PDE4D: variants seen among roughly 807,000 people sequenced by gnomAD.
PDE4D encodes phosphodiesterase 4D.
PDE4D carries 24 observed loss-of-function variants against 87.4 expected under a neutral mutation model. The ratio of observed to expected loss-of-function variants is 0.27; its 90% CI spans 0.20 to 0.39. The LOEUF is 0.39. Among genes scored for constraint, PDE4D ranks in the 10% least tolerant of loss-of-function variants. PDE4D has a pLI of 1.00. For synonymous variants in PDE4D, 384 were observed against 383.2 expected, an observed-to-expected ratio of 1.00 and a Z score of -0.02; for missense variants, 714 against 1,041.0, an observed-to-expected ratio of 0.69 and a Z score of 4.32.
intron 1 of PDE4D, among the ~76,000 whole-genome samples, chr5:60,269,160 A>C (rs1750557098): frequency 6.6e-6 from 1 of 152,172 alleles, no homozygotes; most frequent in Non-Finnish European, 1.5e-5. Context: ...TTAAAAAATT[A>C]GCTGGGCGTG....
chr5:59,886,733 A>G (rs2152750076), intron 1 of PDE4D, among the ~76,000 whole-genome samples: 1 of 152,184 alleles, frequency 6.6e-6, no homozygotes, highest in East Asian at 1.9e-4. Context: ...AACTCAGACC[A>G]CGGCCAGAAT....
chr5:59,178,724 G>C (rs1784284809), intron 5 of PDE4D, among the ~76,000 whole-genome samples: 1 of 152,200 alleles, frequency 6.6e-6, no homozygotes, highest in South Asian at 2.1e-4. Context: ...CCACCTGTGA[G>C]GCCAGCTCAT....
At chr5:59,402,678 TA>T (rs1291976052) in intron 1 of PDE4D, among the ~76,000 whole-genome samples, 1 of 152,168 alleles carries the variant, frequency 6.6e-6, no homozygotes, top group African/African-American at 2.4e-5. Flanking sequence ...ATTTACAAAA[TA>T]ATTATTAAAC....
At chr5:59,940,930 T>C (rs1470374607) in intron 3 of PDE4D, among the ~76,000 whole-genome samples, 1 of 152,186 alleles carries the variant, frequency 6.6e-6, no homozygotes, top group Non-Finnish European at 1.5e-5. Context: ...TCACCCATAG[T>C]TTCTGCCATC....
At chr5:59,745,172 C>T (rs1759425695) in intron 1 of PDE4D, among the ~76,000 whole-genome samples, 1 of 151,988 alleles carries the variant, frequency 6.6e-6, no homozygotes, top group Admixed American at 6.6e-5. Context: ...GCTAAAAATG[C>T]CTACATATCT....
intron 2 of PDE4D, among the ~76,000 whole-genome samples, chr5:60,087,796 G>T (rs929405759): frequency 6.6e-6 from 1 of 151,982 alleles, no homozygotes; most frequent in African/African-American, 2.4e-5. Flanking sequence ...ATTTCCAACA[G>T]ATATTATGTA....
chr5:59,834,896 G>A (rs1256249098), intron 1 of PDE4D, among the ~76,000 whole-genome samples: 1 of 151,928 alleles, frequency 6.6e-6, no homozygotes, highest in East Asian at 1.9e-4. Flanking sequence ...TTGGGAATTT[G>A]CTTGCACATT....
intron 1 of PDE4D, among the ~76,000 whole-genome samples, chr5:59,562,640 T>C (rs536784086): frequency 6.6e-6 from 1 of 152,364 alleles, no homozygotes; most frequent in African/African-American, 2.4e-5. Context: ...TTATTTCAAA[T>C]ATGTTCACTT....
At chr5:59,975,763 T>C (rs538787870) in intron 3 of PDE4D, among the ~76,000 whole-genome samples, 1 of 152,336 alleles carries the variant, frequency 6.6e-6, no homozygotes, top group Admixed American at 6.5e-5. Flanking sequence ...GGTCTAGCCA[T>C]GTTTTAGCAG....
At chr5:60,051,799 C>T (rs547190135) in intron 2 of PDE4D, among the ~76,000 whole-genome samples, 2 of 150,600 alleles carry the variant, frequency 1.3e-5, no homozygotes, top group South Asian at 2.1e-4. Flanking sequence ...ACTAGCCAGA[C>T]TAATAAAGAA....
intron 2 of PDE4D, among the ~76,000 whole-genome samples, chr5:60,102,857 A>C (rs1776372610): frequency 6.6e-6 from 1 of 152,254 alleles, no homozygotes; most frequent in South Asian, 2.1e-4. Context: ...ATTCATTGTA[A>C]ACAGTCAACT....
At chr5:59,408,267 G>C (rs1447319562) in intron 1 of PDE4D, among the ~76,000 whole-genome samples, 2 of 152,226 alleles carry the variant, frequency 1.3e-5, no homozygotes, top group Admixed American at 1.3e-4. Context: ...AAGAGCCTCA[G>C]GTATGGCTCA....
At chr5:60,214,657 T>C (rs1217968988) in intron 1 of PDE4D, among the ~76,000 whole-genome samples, 4 of 152,158 alleles carry the variant, frequency 2.6e-5, no homozygotes. Flanking sequence ...TATCATGACA[T>C]ATTATGGACA....
In PDE4D at chr5:59,033,675, C is replaced by A. The variant is rs535829531; in HGVS notation, c.921+5184G>T. Among the ~76,000 whole-genome samples the A allele has an allele frequency of 3.9e-5, 6 of 152,168 alleles. No homozygotes were observed. In the South Asian group the frequency reaches 1.2e-3, roughly 32 times the overall value. On this transcript the variant is annotated intron_variant, in intron 6 of 14. Transcript: ENST00000340635. ...ATCATCCTTTCTCTCTAGAAAAATA[C>A]CAGTTTGTTTAATCTACCCATAACA...
At position 59,304,484 on chromosome 5, in the gene PDE4D, G is replaced by A. The variant is rs142770003; in HGVS notation, c.456-88516C>T. ...TCATTGTCTTGTTCCAGTTCTCAGAGGGAATTCTTTCAACTTTTCCCCATT... is the reference window on the plus strand; with the variant it reads ...TCATTGTCTTGTTCCAGTTCTCAGAAGGAATTCTTTCAACTTTTCCCCATT... On this transcript the variant is annotated intron_variant, in intron 1 of 14. Transcript: ENST00000340635. Among the ~76,000 whole-genome samples, 100 of 152,222 alleles carry A rather than the reference G, an allele frequency of 6.6e-4. No individual in the cohort carries two copies. The East Asian group carries it at 0.018, about 28-fold the overall frequency.
intron 1 of PDE4D, among the ~76,000 whole-genome samples, chr5:59,530,036 G>C (rs1442988161): frequency 6.6e-6 from 1 of 152,106 alleles, no homozygotes; most frequent in Non-Finnish European, 1.5e-5. Flanking sequence ...ACTAGGTCAG[G>C]GTGGGGTCCA....
chr5:59,601,799 A>G (rs1827543683), intron 1 of PDE4D, among the ~76,000 whole-genome samples: 1 of 152,102 alleles, frequency 6.6e-6, no homozygotes, highest in African/African-American at 2.4e-5. Context: ...CAGAGCCCCA[A>G]GTGTAAACTA....
chr5:60,245,422 C>G (rs1456409067), intron 1 of PDE4D, among the ~76,000 whole-genome samples: 1 of 151,846 alleles, frequency 6.6e-6, no homozygotes, highest in African/African-American at 2.4e-5. Flanking sequence ...CCCAGCAATC[C>G]CACTCCTAGG....
chr5:60,493,458 T>C (rs1749640460), intron 1 of PDE4D, among the ~76,000 whole-genome samples: 1 of 152,206 alleles, frequency 6.6e-6, no homozygotes, highest in African/African-American at 2.4e-5. Flanking sequence ...ATGAGAAATT[T>C]CTCAGAGCAA....
Sources: gnomAD v4.1 joint callset for allele counts (sites outside exome capture counted in the v4.1 genomes callset) on GRCh38, gnomAD v4.1.1 for gene constraint, MANE v1.5 for transcripts, NCBI Gene and HGNC (gene_info 2026-07-23, HGNC 2026-07-21) for gene names.